Variants in GPR179 observed in about 807,000 individuals in gnomAD.
GPR179 encodes probable G protein-coupled receptor 179.
A neutral mutation model predicts 70.8 loss-of-function variants in GPR179; 52 were observed. That is an observed-to-expected ratio of 0.73 (90% CI 0.59 to 0.93). The LOEUF (loss-of-function observed/expected upper bound fraction) is 0.93, where lower values mean the gene tolerates loss of function less well. Among genes scored for constraint, GPR179 ranks in the 40% least tolerant of loss-of-function variants. The probability of loss-of-function intolerance (pLI) is 0.00; values close to 1 mark genes in which losing one functional copy is unlikely to be tolerated. For missense variants in GPR179, 2,734 were observed against 2,966.8 expected, an observed-to-expected ratio of 0.92 and a Z score of 1.82; for synonymous variants, 1,123 against 1,169.0, an observed-to-expected ratio of 0.96 and a Z score of 0.80.
At chr17:38,338,500 C>A (rs1371452161) in intron 2 of GPR179, among the ~76,000 whole-genome samples, 2 of 152,144 alleles carry the variant, frequency 1.3e-5, no homozygotes, top group African/African-American at 4.8e-5. Context: ...CCCAACTTCC[C>A]CTCTTGCTTG....
In GPR179 at chr17:38,326,545, C is replaced by T. The variant is rs758044914; in HGVS notation, c.7024G>A (p.Glu2342Lys). Residue 2342 changes from glutamate (E) to lysine (K), a missense_variant, in exon 11 of 11, where the codon GAA becomes AAA. Glu to Lys is a moderately conservative substitution (Grantham distance 56). Transcript: ENST00000616987. Reference protein sequence around the residue: ...EAESQSSSLTEDSGQVAFEAQ... With the variant: ...EAESQSSSLTKDSGQVAFEAQ... ...TCAAAAGCCACTTGGCCTGAGTCTT[C>T]AGTTAAGGACGAAGACTGAGACTCA... 2 of 1,614,174 alleles carry T rather than the reference C, an allele frequency of 1.2e-6. No individual in the cohort carries two copies. The highest frequency in any genetic ancestry group is 1.7e-5 in the Admixed American group (1 of 60,026).
chr17:38,340,834 C>T (rs1375371890), intron 1 of GPR179, among the ~76,000 whole-genome samples: 1 of 152,196 alleles, frequency 6.6e-6, no homozygotes, highest in African/African-American at 2.4e-5. Context: ...AGGAGAATCG[C>T]TTGAACCCAG....
rs543084442 is a variant in GPR179, at chr17:38,329,358, T to C, written c.4211A>G (p.Gln1404Arg). The C allele has an allele frequency of 6.2e-7, 1 of 1,613,914 alleles. No individual in the cohort carries two copies. Among genetic ancestry groups the C allele is most frequent in the East Asian group, 2.2e-5 (1 of 44,872 alleles). Residue 1404 changes from glutamine to arginine, a missense_variant, in exon 11 of 11, where the codon CAG becomes CGG. Transcript: ENST00000616987. ...TGCTTTCCTGGTTTTCTGCTTTTCC[T>C]GAGGGAGATCCTTCACTGCCTCTTG... ...PAQEAVKDLP[Q>R]EKQKTRKATF...
At position 38,329,311 on chromosome 17, in the gene GPR179, G is replaced by T. The variant is rs2037326258; in HGVS notation, c.4258C>A (p.Pro1420Thr). 1 of 1,612,812 alleles carries T rather than the reference G, an allele frequency of 6.2e-7. No homozygotes were observed. The change falls in exon 11 of 11, where the codon CCG becomes ACG. Residue 1420 changes from proline (P) to threonine (T), a missense_variant. By Grantham distance (38) the Pro-to-Thr change is conservative (BLOSUM62 -1). Coordinates refer to ENST00000616987, the MANE Select transcript of GPR179 (RefSeq NM_001004334.4). Reference sequence around the variant, plus strand: ...CAAAGAGACTCCAAGTCTCCTCCCGGTTTCTGTTCTTTCCAAAAGGTTGCT... The same window carrying T: ...CAAAGAGACTCCAAGTCTCCTCCCGTTTTCTGTTCTTTCCAAAAGGTTGCT... ...RKATFWKEQK[P>T]GGDLESLCPW...
In GPR179 at chr17:38,330,729, C is replaced by T; in HGVS notation, c.2840G>A (p.Gly947Asp). The part of the protein sequence containing the change: ...VSTPILALSG[G>D]LGEPRMLSPT... Reference sequence around the variant, plus strand: ...AGATAGCATCCTTGGCTCTCCCAGGCCCCCAGACAGGGCCAAGATGGGGGT... The same window carrying T: ...AGATAGCATCCTTGGCTCTCCCAGGTCCCCAGACAGGGCCAAGATGGGGGT... Residue 947 changes from glycine to aspartate, a missense_variant, in exon 11 of 11, where the codon GGC becomes GAC. Gly to Asp is a moderately conservative substitution (Grantham distance 94, BLOSUM62 -1). Transcript: ENST00000616987. The T allele has an allele frequency of 1.3e-6, 2 of 1,588,654 alleles. No individual in the cohort carries two copies. Among genetic ancestry groups the T allele is most frequent in the Admixed American group, 1.7e-5 (1 of 57,998 alleles).
Position 38,329,600 on chromosome 17 carries a change from C to T in GPR179, c.3969G>A (p.Trp1323Ter). The T allele has an allele frequency of 6.2e-7, 1 of 1,614,084 alleles. No individual in the cohort carries two copies. Among genetic ancestry groups the T allele is most frequent in the Non-Finnish European group, 8.5e-7 (1 of 1,180,032 alleles). ...ACAGACCTCCTCGATCGGCACTCTC[C>T]CAGGGACACACTGCTTCCTGCTCCC... ...LVREQEAVCPWESADRGGLSP... is the reference protein window; with the variant it reads ...LVREQEAVCP The change falls in exon 11 of 11, where the codon TGG (tryptophan) becomes TGA (stop). Residue 1323 changes from tryptophan (W) to a stop codon, truncating the protein, a stop_gained. Transcript: ENST00000616987. LOFTEE classifies it low-confidence loss of function (END_TRUNC).
At chr17:38,332,325 A>G (rs1240407501) in intron 10 of GPR179, among the ~76,000 whole-genome samples, 2 of 152,152 alleles carry the variant, frequency 1.3e-5, no homozygotes, top group African/African-American at 4.8e-5. Flanking sequence ...TAGACTCTGG[A>G]TTGTATAAAA....
rs759996737 is a variant in GPR179, at chr17:38,330,647, AG to A, written c.2921del (p.Pro974LeufsTer64). On this transcript the variant is annotated frameshift_variant, in exon 11 of 11. Coordinates refer to ENST00000616987, the MANE Select transcript of GPR179 (RefSeq NM_001004334.4). LOFTEE classifies it low-confidence loss of function (END_TRUNC). ...LLPALAPTPA[P>X]ALAPVPVSPQ... ...GGGATACTGGGACTGGTGCCAGGGC[AG>A]GGGCTGGGGTTGGAGCTAGAGCTGG... The A allele has an allele frequency of 1.3e-6, 2 of 1,596,274 alleles. No individual in the cohort carries two copies. The highest frequency in any genetic ancestry group is 1.7e-6 in the Non-Finnish European group (2 of 1,169,778).
chr17:38,335,953 G>A, intron 5 of GPR179, 123 bp downstream of exon 5: 1 of 795,518 alleles, frequency 1.3e-6, no homozygotes, highest in Non-Finnish European at 2.3e-6. Context: ...GTAAGAGTAG[G>A]GGAAATCTGT....
At position 38,328,444 on chromosome 17, in the gene GPR179, C is replaced by T. The variant is rs2037313334; in HGVS notation, c.5125G>A (p.Val1709Met). ...AGKAEICPWE[V>M]GAGAGEERAL... Reference sequence around the variant, plus strand: ...CTTTCCTCCCCTGCTCCAGCACCCACCTCCCAGGGACAGATTTCTGCCTTC... The same window carrying T: ...CTTTCCTCCCCTGCTCCAGCACCCATCTCCCAGGGACAGATTTCTGCCTTC... Residue 1709 changes from valine to methionine, a missense_variant, in exon 11 of 11, where the codon GTG becomes ATG. Coordinates refer to ENST00000616987, the MANE Select transcript of GPR179 (RefSeq NM_001004334.4). 6.2e-7 allele frequency: 1 copy of T among 1,614,214 alleles called. No individual in the cohort carries two copies. Among genetic ancestry groups the T allele is most frequent in the East Asian group, 2.2e-5 (1 of 44,886 alleles).
chr17:38,334,694 C>T lies in GPR179; in HGVS notation c.1784+10G>A. ...TGGAAGGGGGTGTGGGGAGGTGAGT[C>T]CGTCCTCACCTGGCTGTGTGGAAGG... On this transcript the variant is annotated intron_variant, in intron 8 of 10. Transcript: ENST00000616987. The surrounding 1 kb of genome is among the most constrained non-coding windows in gnomAD (Gnocchi z 4.7). 1 of 1,612,850 alleles carries T rather than the reference C, an allele frequency of 6.2e-7. No individual in the cohort carries two copies. Among genetic ancestry groups the T allele is most frequent in the Non-Finnish European group, 8.5e-7 (1 of 1,179,352 alleles).
chr17:38,330,610 T>C lies in GPR179; in HGVS notation c.2959A>G (p.Asn987Asp), dbSNP rs1158540316. 1 of 1,575,844 alleles carries C rather than the reference T, an allele frequency of 6.3e-7. No individual in the cohort carries two copies. The highest frequency in any genetic ancestry group is 1.9e-5 in the Admixed American group (1 of 53,804). Residue 987 changes from asparagine to aspartate, a missense_variant, in exon 11 of 11, where the codon AAC becomes GAC. Physicochemically the swap from Asn to Asp is conservative, Grantham distance 23. Coordinates refer to ENST00000616987, the MANE Select transcript of GPR179 (RefSeq NM_001004334.4). ...APVPVSPQSP[N>D]LLTYICPWEN... is the part of the protein sequence containing the mutation. ...CAGGGGCAGATGTAGGTGAGTAAGT[T>C]GGGGCTTTGTGGGGATACTGGGACT...
chr17:38,339,285 A>C, intron 2 of GPR179, 132 bp downstream of exon 2: 1 of 610,156 alleles, frequency 1.6e-6, no homozygotes, highest in Non-Finnish European at 2.9e-6. Context: ...GCCAATCACT[A>C]GGAACTCCCC....
chr17:38,342,172 C>A (rs1392776577), intron 1 of GPR179, among the ~76,000 whole-genome samples: 1 of 151,938 alleles, frequency 6.6e-6, no homozygotes, highest in Non-Finnish European at 1.5e-5. Flanking sequence ...CTCTCAGTTG[C>A]TAGAGAGCAG....
rs376112804 is a variant in GPR179 at position 38,329,782 on chromosome 17, C to T, written c.3787G>A (p.Glu1263Lys). Reference sequence around the variant, plus strand: ...TCACTCGTCTCCCAGGGGCAGATTTCGGCCTTGTTGCCACTGTCTGGCTGA... The same window carrying T: ...TCACTCGTCTCCCAGGGGCAGATTTTGGCCTTGTTGCCACTGTCTGGCTGA... ...TRQPDSGNKA[E>K]ICPWETSEGA... is the part of the protein sequence containing the mutation. Residue 1263 changes from glutamate (E) to lysine (K), a missense_variant, in exon 11 of 11, where the codon GAA becomes AAA. Glu to Lys is a moderately conservative substitution (Grantham distance 56, BLOSUM62 1). Transcript: ENST00000616987. 1.6e-5 allele frequency: 26 copies of T among 1,614,020 alleles called. No individual in the cohort carries two copies. Among genetic ancestry groups the T allele is most frequent in the African/African-American group, 1.5e-4 (11 of 74,890 alleles).
In GPR179 at chr17:38,329,972, C is replaced by T; in HGVS notation, c.3597G>A (p.Gly1199=). 6.2e-7 allele frequency: 1 copy of T among 1,614,212 alleles called. No individual in the cohort carries two copies. The highest frequency in any genetic ancestry group is 8.5e-7 in the Non-Finnish European group (1 of 1,180,042). ...ERKAERAGKT[G]LAMLRQVSRD... ...TGGAAACTTGCCTCAGCATGGCAAGCCCTGTTTTACCTGCTCTCTCAGCTT... is the reference window on the plus strand; with the variant it reads ...TGGAAACTTGCCTCAGCATGGCAAGTCCTGTTTTACCTGCTCTCTCAGCTT... Residue 1199 remains glycine (G), a synonymous_variant, in exon 11 of 11, where the codon GGG becomes GGA. Coordinates refer to ENST00000616987, the MANE Select transcript of GPR179 (RefSeq NM_001004334.4).
intron 1 of GPR179, among the ~76,000 whole-genome samples, chr17:38,340,258 T>G (rs1399825731): frequency 2.6e-5 from 4 of 152,196 alleles, no homozygotes; most frequent in Non-Finnish European, 5.9e-5. Context: ...CACCTCAGTC[T>G]CCAAAGTAGC....
Position 38,331,263 on chromosome 17 carries a change from T to C in GPR179, c.2306A>G (p.His769Arg), listed in dbSNP as rs1331698532. The change falls in exon 11 of 11, where the codon CAC (histidine) becomes CGC (arginine). Residue 769 changes from histidine (H) to arginine (R), a missense_variant. Physicochemically the swap from His to Arg is conservative, Grantham distance 29. Coordinates refer to ENST00000616987, the MANE Select transcript of GPR179 (RefSeq NM_001004334.4). Reference protein sequence around the residue: ...LQEPEGTPALHKSRSTYDQRR... With the variant: ...LQEPEGTPALRKSRSTYDQRR... ...CTGGTCATAGGTGCTGCGGGACTTG[T>C]GCAGAGCTGGTGTCCCCTCGGGTTC... is the stretch of plus-strand genomic sequence containing the variant. The C allele has an allele frequency of 3.8e-6, 6 of 1,590,502 alleles. No individual in the cohort carries two copies. Among genetic ancestry groups the C allele is most frequent in the Non-Finnish European group, 5.1e-6 (6 of 1,169,312 alleles).
In GPR179 at chr17:38,324,734, T is replaced by TA. The variant is rs1206268834; in HGVS notation, c.*1730dup. Reference sequence around the variant, plus strand: ...CACTTTAGCTCAGAAGCCGTAAGGCTAACTAGCCAGAGCCCAGAACAACAA... The same window carrying TA: ...CACTTTAGCTCAGAAGCCGTAAGGCTAAACTAGCCAGAGCCCAGAACAACAA... On this transcript the variant is annotated 3_prime_UTR_variant, in exon 11 of 11. Transcript: ENST00000616987. 6.6e-6 allele frequency among the ~76,000 whole-genome samples: 1 copy of TA among 152,068 alleles called. No individual in the cohort carries two copies. The highest frequency in any genetic ancestry group is 1.5e-5 in the Non-Finnish European group (1 of 68,000).
Sources: gnomAD v4.1 joint callset for allele counts (sites outside exome capture counted in the v4.1 genomes callset) on GRCh38, gnomAD v4.1.1 for gene constraint, Gnocchi (gnomAD v3.1) non-coding constraint, MANE v1.5 for transcripts, NCBI Gene and HGNC (gene_info 2026-07-23, HGNC 2026-07-21) for gene names.